The following TMEM132B variants were observed in gnomAD, a reference collection of about 807,000 sequenced individuals.
TMEM132B encodes the protein transmembrane protein 132B.
TMEM132B carries 18 observed loss-of-function variants against 90.8 expected under a neutral mutation model. That is an observed-to-expected ratio of 0.20 (90% CI 0.14 to 0.29). TMEM132B has a LOEUF of 0.29. Among genes scored for constraint, TMEM132B ranks in the 10% least tolerant of loss-of-function variants. The pLI, the probability that TMEM132B is intolerant of heterozygous loss-of-function variation, is 1.00. For synonymous variants in TMEM132B, 504 were observed against 523.3 expected (o/e 0.96, Z 0.50); for missense variants, 1,096 against 1,326.8 (o/e 0.83, Z 2.70).
At chr12:125,208,684 T>C (rs1168474737) in intron 1 of TMEM132B, among the ~76,000 whole-genome samples, 1 of 152,238 alleles carries the variant, frequency 6.6e-6, no homozygotes, top group Non-Finnish European at 1.5e-5. Context: ...GGATTTGATC[T>C]AAGAGCAGTG....
chr12:125,555,916 AT>A (rs1884373637), intron 4 of TMEM132B, among the ~76,000 whole-genome samples: 1 of 152,206 alleles, frequency 6.6e-6, no homozygotes, highest in African/African-American at 2.4e-5. Flanking sequence ...CAAGGATAAG[AT>A]AAGCTGTCAT....
At chr12:125,337,276 C>T (rs1876996364) in intron 1 of TMEM132B, among the ~76,000 whole-genome samples, 1 of 152,122 alleles carries the variant, frequency 6.6e-6, no homozygotes, top group Non-Finnish European at 1.5e-5. Flanking sequence ...TCACTAGCTG[C>T]TGTGACAAAT....
At position 125,584,013 on chromosome 12, in the gene TMEM132B, A is replaced by T; in HGVS notation, c.1437+19A>T. On this transcript the variant is annotated intron_variant, in intron 5 of 8. Coordinates refer to ENST00000682704, the MANE Select transcript of TMEM132B (RefSeq NM_001366854.1). ...CATTAAGGTAAGGGGGGATTTATCTACAGCTGTCCTAAGTGCTCAGAGCTT... is the reference window on the plus strand; with the variant it reads ...CATTAAGGTAAGGGGGGATTTATCTTCAGCTGTCCTAAGTGCTCAGAGCTT... The T allele has an allele frequency of 2.5e-6, 4 of 1,614,066 alleles. No individual in the cohort carries two copies. Among genetic ancestry groups the T allele is most frequent in the Non-Finnish European group, 3.4e-6 (4 of 1,179,936 alleles).
intron 1 of TMEM132B, among the ~76,000 whole-genome samples, chr12:125,318,460 A>G (rs1362666069): frequency 6.6e-6 from 1 of 152,136 alleles, no homozygotes; most frequent in Non-Finnish European, 1.5e-5. Context: ...CTGTCAGCCC[A>G]TCACCTAGGT....
At chr12:125,320,399 G>T (rs995412331) in intron 1 of TMEM132B, among the ~76,000 whole-genome samples, 1 of 152,006 alleles carries the variant, frequency 6.6e-6, no homozygotes, top group East Asian at 1.9e-4. Flanking sequence ...CTACCATAAC[G>T]GTGGCTGTAA....
At position 125,350,358 on chromosome 12, in the gene TMEM132B, C is replaced by A; in HGVS notation, c.959+15C>A. On this transcript the variant is annotated intron_variant, in intron 2 of 8. Transcript: ENST00000682704. ...TTCACTCTTAGGTAAGAGGCTTTGCCAGGTGGGATGGAACAGAAGCCAACT... is the reference window on the plus strand; with the variant it reads ...TTCACTCTTAGGTAAGAGGCTTTGCAAGGTGGGATGGAACAGAAGCCAACT... The A allele has an allele frequency of 1.9e-6, 3 of 1,598,536 alleles. No individual in the cohort carries two copies. The highest frequency in any genetic ancestry group is 2.6e-6 in the Non-Finnish European group (3 of 1,173,196).
chr12:125,348,982 C>T (rs908315579), intron 1 of TMEM132B, among the ~76,000 whole-genome samples: 23 of 152,170 alleles, frequency 1.5e-4, no homozygotes, highest in Admixed American at 1.3e-4. Context: ...GTAGAGATGT[C>T]ATCATGTCCA....
At chr12:125,486,651 A>G (rs1001295490) in intron 3 of TMEM132B, among the ~76,000 whole-genome samples, 1 of 152,200 alleles carries the variant, frequency 6.6e-6, no homozygotes, top group Non-Finnish European at 1.5e-5. Context: ...TTATTTTGCC[A>G]TTGAATGATA....
intron 1 of TMEM132B, among the ~76,000 whole-genome samples, chr12:125,256,367 C>T (rs1424960494): frequency 6.6e-6 from 1 of 152,178 alleles, no homozygotes; most frequent in Non-Finnish European, 1.5e-5. Flanking sequence ...GTCAGGGGAG[C>T]CGGTAAACTT....
intron 1 of TMEM132B, among the ~76,000 whole-genome samples, chr12:125,188,651 C>T (rs1957774752): frequency 6.6e-6 from 1 of 151,090 alleles, no homozygotes; most frequent in Non-Finnish European, 1.5e-5. Context: ...TGCTGCTGGC[C>T]GGCTCTTTGC....
At chr12:125,206,143 G>GT (rs1354534295) in intron 1 of TMEM132B, among the ~76,000 whole-genome samples, 13 of 152,130 alleles carry the variant, frequency 8.5e-5, no homozygotes, top group Non-Finnish European at 5.9e-5. Flanking sequence ...TTTTCGCTTA[G>GT]TTTTTTCTGG....
In TMEM132B at chr12:125,416,466, C is replaced by T. The variant is rs189248047; in HGVS notation, c.1106+789C>T. On this transcript the variant is annotated intron_variant, in intron 3 of 8. Transcript: ENST00000682704. Reference sequence around the variant, plus strand: ...AGCCCCTTCCGAGTTTGTTGCTTATCACCATATATTGTCACAACCAGTTCT... The same window carrying T: ...AGCCCCTTCCGAGTTTGTTGCTTATTACCATATATTGTCACAACCAGTTCT... 1.3e-3 allele frequency among the ~76,000 whole-genome samples: 198 copies of T among 152,360 alleles called. 1 individual carries two copies. Among genetic ancestry groups the T allele is most frequent in the African/African-American group, 3.1e-3 (128 of 41,582 alleles).
chr12:125,387,013 G>A (rs1054020967), intron 2 of TMEM132B, among the ~76,000 whole-genome samples: 3 of 152,162 alleles, frequency 2.0e-5, no homozygotes, highest in African/African-American at 7.2e-5. Flanking sequence ...CACAGTTAAG[G>A]ACACTGAGGT....
At chr12:125,244,710 G>C (rs758653682) in intron 1 of TMEM132B, among the ~76,000 whole-genome samples, 7 of 152,160 alleles carry the variant, frequency 4.6e-5, no homozygotes, top group Non-Finnish European at 1.0e-4. Flanking sequence ...ACATGACAGC[G>C]AGACCCCCTT....
In TMEM132B at chr12:125,440,765, A is replaced by G. The variant is rs186076675; in HGVS notation, c.1106+25088A>G. ...GCTAAGTGTTTTTTTCTTTCAGTTT[A>G]TTTATTTTTATTAAAAATATCAGGA... On this transcript the variant is annotated intron_variant, in intron 3 of 8. Coordinates refer to ENST00000682704, the MANE Select transcript of TMEM132B (RefSeq NM_001366854.1). Among the ~76,000 whole-genome samples the G allele has an allele frequency of 2.1e-4, 32 of 152,224 alleles. 1 individual carries two copies. The highest frequency in any genetic ancestry group is 1.7e-3 in the Admixed American group (26 of 15,282).
chr12:125,326,449 C>T (rs1876567010), intron 1 of TMEM132B: 1 of 725,514 alleles, frequency 1.4e-6, no homozygotes, highest in South Asian at 1.7e-5. Context: ...CCAATGAAGA[C>T]AATATGAGCT....
intron 2 of TMEM132B, among the ~76,000 whole-genome samples, chr12:125,395,561 T>C (rs1369202907): frequency 2.6e-5 from 4 of 152,216 alleles, no homozygotes; most frequent in Admixed American, 2.6e-4. Context: ...CTCTTGTCCT[T>C]GGATTACAGA....
At chr12:125,296,276 C>T (rs963511678) in intron 1 of TMEM132B, among the ~76,000 whole-genome samples, 1 of 152,252 alleles carries the variant, frequency 6.6e-6, no homozygotes, top group Non-Finnish European at 1.5e-5. Flanking sequence ...CTTTTCTTCC[C>T]ACCCACCGGG....
At position 125,656,407 on chromosome 12, in the gene TMEM132B, C is replaced by A. The variant is rs1008963173; in HGVS notation, c.*1697C>A. The stretch of plus-strand genomic sequence containing the variant: ...TTTCCTTGGGTGGGAACATGACAAC[C>A]CCGCCTCCTCTAGCCATGACGTGGC... On this transcript the variant is annotated 3_prime_UTR_variant, in exon 9 of 9. Coordinates refer to ENST00000682704, the MANE Select transcript of TMEM132B (RefSeq NM_001366854.1). 5 of 152,142 alleles carry A rather than the reference C, an allele frequency of 3.3e-5. No homozygotes were observed. The highest frequency in any genetic ancestry group is 1.2e-4 in the African/African-American group (5 of 41,418). 9.4% of individuals were successfully genotyped at this position (152,142 alleles called of 1,614,324 possible). A position where few individuals can be genotyped will look rare whatever the true frequency, so the allele number is the denominator to read the frequency against.
Sources: allele counts gnomAD v4.1 joint callset (sites outside exome capture counted in the v4.1 genomes callset), GRCh38; gene constraint gnomAD v4.1.1; transcripts MANE v1.5; gene names NCBI Gene and HGNC (gene_info 2026-07-23, HGNC 2026-07-21).